SLX4IP: variants seen among roughly 807,000 people sequenced by gnomAD.
The protein encoded by SLX4IP is protein SLX4IP.
Under a neutral mutation model 32.9 loss-of-function variants are expected in SLX4IP, and 34 were observed. The ratio of observed to expected loss-of-function variants is 1.03; its 90% CI spans 0.79 to 1.38. SLX4IP has a LOEUF of 1.38. Ranked by LOEUF, SLX4IP falls within the 40% of genes most tolerant of loss-of-function variation. SLX4IP has a pLI of 0.00. For missense variants in SLX4IP, 444 were observed against 479.0 expected (o/e 0.93, Z 0.68); for synonymous variants, 172 against 171.7 (o/e 1.00, Z -0.01).
At chr20:10,515,792 CT>C (rs1435876274) in intron 2 of SLX4IP, among the ~76,000 whole-genome samples, 1 of 152,148 alleles carries the variant, frequency 6.6e-6, no homozygotes, top group African/African-American at 2.4e-5. Flanking sequence ...ATGATTATTT[CT>C]TTCTGAAAGC....
intron 2 of SLX4IP, among the ~76,000 whole-genome samples, chr20:10,465,749 G>A (rs1011953128): frequency 1.3e-5 from 2 of 152,190 alleles, no homozygotes; most frequent in African/African-American, 2.4e-5. Flanking sequence ...TTAGTGATCC[G>A]CCTGCCTCTG....
intron 2 of SLX4IP, among the ~76,000 whole-genome samples, chr20:10,525,139 T>A (rs894391329): frequency 6.6e-6 from 1 of 152,240 alleles, no homozygotes; most frequent in African/African-American, 2.4e-5. Context: ...TTTCTTTTAT[T>A]TTAAATGTGG....
At position 10,624,037 on chromosome 20, in the gene SLX4IP, G is replaced by C. The variant is rs2067146216; in HGVS notation, c.*658G>C. On this transcript the variant is annotated 3_prime_UTR_variant, in exon 8 of 8. Transcript: ENST00000334534. The stretch of plus-strand genomic sequence containing the variant: ...TGCCATGGCCTCCAGCTCACCAGTT[G>C]GGGCCAGATGTGCACATGCATCCCC... 6.6e-6 allele frequency: 1 copy of C among 152,454 alleles called. No individual in the cohort carries two copies. The highest frequency in any genetic ancestry group is 2.4e-5 in the African/African-American group (1 of 41,444). The allele number at this position is 152,454 out of a possible 1,614,324, so 9.4% of individuals were successfully genotyped here.
At chr20:10,539,476 A>G (rs2066080340) in intron 2 of SLX4IP, among the ~76,000 whole-genome samples, 2 of 152,104 alleles carry the variant, frequency 1.3e-5, no homozygotes, top group South Asian at 4.1e-4. Flanking sequence ...GGTGCAAAGA[A>G]GCTCATTATA....
At chr20:10,592,969 G>C (rs2066729915) in intron 4 of SLX4IP, among the ~76,000 whole-genome samples, 1 of 152,020 alleles carries the variant, frequency 6.6e-6, no homozygotes, top group Non-Finnish European at 1.5e-5. Flanking sequence ...TCCTAGTCTA[G>C]TCTAATACCC....
chr20:10,572,511 G>GAC (rs2066477590), intron 4 of SLX4IP, among the ~76,000 whole-genome samples: 1 of 152,076 alleles, frequency 6.6e-6, no homozygotes, highest in African/African-American at 2.4e-5. Context: ...CCAGCTGTAA[G>GAC]CACTTGCCTC....
rs1332935667 is a variant in SLX4IP at position 10,486,969 on chromosome 20, A to G, written c.27+28738A>G. 6.6e-5 allele frequency among the ~76,000 whole-genome samples: 10 copies of G among 151,356 alleles called. No homozygotes were observed. In the East Asian group the frequency reaches 1.6e-3, roughly 24 times the overall value. On this transcript the variant is annotated intron_variant, in intron 2 of 7. Coordinates refer to ENST00000334534, the MANE Select transcript of SLX4IP (RefSeq NM_001009608.3). ...CTCTTGAGGGTACAGTTAAGTGTTG[A>G]TTGTTCATTTGATCAATTGATTCTG...
chr20:10,503,383 A>G (rs1006987383), intron 2 of SLX4IP, among the ~76,000 whole-genome samples: 1 of 152,174 alleles, frequency 6.6e-6, no homozygotes, highest in African/African-American at 2.4e-5. Flanking sequence ...AGCAACCTAG[A>G]AAGTGTGAGC....
intron 4 of SLX4IP, among the ~76,000 whole-genome samples, chr20:10,594,495 C>G (rs997448970): frequency 3.3e-4 from 51 of 152,308 alleles, no homozygotes; most frequent in African/African-American, 1.2e-3. Context: ...CACAGACTCC[C>G]GTTGGCAGCT....
intron 6 of SLX4IP, among the ~76,000 whole-genome samples, chr20:10,611,694 A>G (rs1402699091): frequency 6.6e-6 from 1 of 152,192 alleles, no homozygotes; most frequent in African/African-American, 2.4e-5. Context: ...GGGGTTGAAG[A>G]TGTGATTTTC....
intron 2 of SLX4IP, among the ~76,000 whole-genome samples, chr20:10,531,282 C>T (rs183017927): frequency 6.6e-6 from 1 of 152,302 alleles, no homozygotes; most frequent in East Asian, 1.9e-4. Flanking sequence ...TGGACAGATA[C>T]AGTTTCATGA....
chr20:10,536,484 A>G (rs1355760863), intron 2 of SLX4IP, among the ~76,000 whole-genome samples: 1 of 152,246 alleles, frequency 6.6e-6, no homozygotes, highest in Non-Finnish European at 1.5e-5. Context: ...AGTTCATCCA[A>G]GGAAAAGGAA....
At chr20:10,466,097 C>T (rs1289263609) in intron 2 of SLX4IP, among the ~76,000 whole-genome samples, 1 of 152,086 alleles carries the variant, frequency 6.6e-6, no homozygotes, top group Admixed American at 6.6e-5. Flanking sequence ...TCCATTAAAA[C>T]AAAACTTTAG....
chr20:10,527,481 G>C (rs1052571227), intron 2 of SLX4IP, among the ~76,000 whole-genome samples: 4 of 152,172 alleles, frequency 2.6e-5, no homozygotes, highest in Non-Finnish European at 5.9e-5. Context: ...TCCTCTCAGT[G>C]TATTCAATAT....
intron 2 of SLX4IP, among the ~76,000 whole-genome samples, chr20:10,527,100 A>G (rs1245831300): frequency 2.0e-5 from 3 of 152,348 alleles, no homozygotes; most frequent in Non-Finnish European, 4.4e-5. Context: ...ATCACATACC[A>G]TCAGTATTTT....
chr20:10,522,870 GCTTGGGC>G (rs1264541326), intron 2 of SLX4IP, among the ~76,000 whole-genome samples: 1 of 152,198 alleles, frequency 6.6e-6, no homozygotes, highest in African/African-American at 2.4e-5. Flanking sequence ...CCACAGGGTT[GCTTGGGC>G]CTTCTGTGAA....
chr20:10,621,792 C>G (rs1232306834), intron 7 of SLX4IP, among the ~76,000 whole-genome samples: 1 of 152,082 alleles, frequency 6.6e-6, no homozygotes, highest in Non-Finnish European at 1.5e-5. Flanking sequence ...ACAGTAAGAA[C>G]ATGAATATTA....
chr20:10,577,685 T>C (rs1045777669), intron 4 of SLX4IP, among the ~76,000 whole-genome samples: 4 of 152,202 alleles, frequency 2.6e-5, no homozygotes, highest in African/African-American at 9.6e-5. Flanking sequence ...CATACCACTG[T>C]ACTCCAGCTG....
intron 6 of SLX4IP, among the ~76,000 whole-genome samples, chr20:10,606,942 A>G (rs2122555472): frequency 6.6e-6 from 1 of 152,216 alleles, no homozygotes; most frequent in Non-Finnish European, 1.5e-5. Flanking sequence ...TTTCACTTGT[A>G]TGTCAGTGCT....
Sources: allele counts gnomAD v4.1 joint callset (sites outside exome capture counted in the v4.1 genomes callset), GRCh38; gene constraint gnomAD v4.1.1; transcripts MANE v1.5; gene names NCBI Gene and HGNC (gene_info 2026-07-23, HGNC 2026-07-21).